Variants in PRP4K observed in about 807,000 individuals in gnomAD.
PRP4K encodes the protein pre-mRNA processing factor kinase PRP4K, also known as serine/threonine-protein kinase PRP4 homolog.
chr6:4,038,730 G>T, the PRP4K span, among the ~76,000 whole-genome samples: 3 of 151,994 alleles, frequency 2.0e-5, no homozygotes, highest in South Asian at 6.2e-4. Flanking sequence ...TTCTGACACT[G>T]CTAGTCTTCT....
At chr6:4,024,065 C>T in the PRP4K span, among the ~76,000 whole-genome samples, 1 of 152,110 alleles carries the variant, frequency 6.6e-6, no homozygotes. Flanking sequence ...TGGGGTTTCA[C>T]CTTGTTGGCC....
chr6:4,036,985 C>A, the PRP4K span, among the ~76,000 whole-genome samples: 72 of 113,876 alleles, frequency 6.3e-4, no homozygotes, highest in South Asian at 2.4e-3. Flanking sequence ...GACCCTGTCT[C>A]AAAAAAAAAA....
the PRP4K span, among the ~76,000 whole-genome samples, chr6:4,033,358 A>G: frequency 1.3e-5 from 2 of 152,278 alleles, no homozygotes; most frequent in Non-Finnish European, 2.9e-5. Flanking sequence ...ATTATTTTGT[A>G]CTATTTGAAT....
chr6:4,051,263 G>C, the PRP4K span, among the ~76,000 whole-genome samples: 2,769 of 152,090 alleles, frequency 0.018, 37 homozygotes, highest in Non-Finnish European at 0.031. Context: ...GTTCCATTTT[G>C]TTAAAAATAA....
the PRP4K span, chr6:4,063,007 T>C: frequency 2.0e-5 from 3 of 152,624 alleles, no homozygotes; most frequent in East Asian, 1.9e-4. Flanking sequence ...GTTCATCTTA[T>C]ACCTTCAAAA....
At chr6:4,050,431 T>C in the PRP4K span, 7 of 427,362 alleles carry the variant, frequency 1.6e-5, no homozygotes, top group Middle Eastern at 6.4e-4. Flanking sequence ...GTACCTACTG[T>C]ATGCACCAAT....
chr6:4,055,167 T>C, the PRP4K span, among the ~76,000 whole-genome samples: 2 of 152,136 alleles, frequency 1.3e-5, no homozygotes, highest in African/African-American at 4.8e-5. Context: ...TGCATATGAG[T>C]ATGGATACCC....
chr6:4,052,248 A>G, the PRP4K span, among the ~76,000 whole-genome samples: 3 of 147,770 alleles, frequency 2.0e-5, no homozygotes, highest in Non-Finnish European at 4.5e-5. Flanking sequence ...GTTAACAGCT[A>G]GTCTTTGTTG....
the PRP4K span, among the ~76,000 whole-genome samples, chr6:4,035,304 T>TTTTTTTTTTTTTG: frequency 7.3e-6 from 1 of 136,818 alleles, no homozygotes; most frequent in African/African-American, 2.8e-5. Context: ...TTTTTTTTTT[T>TTTTTTTTTTTTTG]TTTTTTTTTT....
chr6:4,043,786 G>GTATTA, the PRP4K span: 5 of 1,600,434 alleles, frequency 3.1e-6, no homozygotes, highest in Non-Finnish European at 4.3e-6. Flanking sequence ...TTTTATGAAA[G>GTATTA]TATTATCTTC....
the PRP4K span, among the ~76,000 whole-genome samples, chr6:4,023,477 G>A: frequency 6.6e-6 from 1 of 152,152 alleles, no homozygotes; most frequent in Non-Finnish European, 1.5e-5. Flanking sequence ...GCTAACTATT[G>A]TACTGTCTGG....
At chr6:4,032,734 G>A in the PRP4K span, 6 of 1,574,024 alleles carry the variant, frequency 3.8e-6, no homozygotes, top group Non-Finnish European at 5.1e-6. Flanking sequence ...GAACCAGAGA[G>A]GAGACGACTT....
chr6:4,053,827 A>G, the PRP4K span, among the ~76,000 whole-genome samples: 1 of 152,218 alleles, frequency 6.6e-6, no homozygotes, highest in Non-Finnish European at 1.5e-5. Context: ...ACTAAAAGCT[A>G]AGCGTGTAAG....
chr6:4,044,097 T>C, the PRP4K span: 1 of 1,431,376 alleles, frequency 7.0e-7, no homozygotes, highest in Non-Finnish European at 9.7e-7. Flanking sequence ...GAGACGTTAT[T>C]TGGGGTGGGA....
At chr6:4,051,310 T>C in the PRP4K span, among the ~76,000 whole-genome samples, 3 of 152,032 alleles carry the variant, frequency 2.0e-5, no homozygotes, top group Non-Finnish European at 4.4e-5. Context: ...TTTTTGTTTG[T>C]TTTTGTTTGT....
the PRP4K span, among the ~76,000 whole-genome samples, chr6:4,033,019 C>A: frequency 6.6e-6 from 1 of 152,142 alleles, no homozygotes; most frequent in Admixed American, 6.5e-5. Flanking sequence ...TGATTTAATA[C>A]CTAGTTTGCT....
chr6:4,031,861 T>G, the PRP4K span: 1 of 1,614,076 alleles, frequency 6.2e-7, no homozygotes, highest in African/African-American at 1.3e-5. Flanking sequence ...CAGAGAGCCT[T>G]GATTAAGGCC....
the PRP4K span, among the ~76,000 whole-genome samples, chr6:4,023,829 C>T: frequency 2.0e-5 from 3 of 151,798 alleles, no homozygotes; most frequent in East Asian, 1.9e-4. Flanking sequence ...CTCCAGCCTC[C>T]GGAGTAGCTG....
the PRP4K span, among the ~76,000 whole-genome samples, chr6:4,037,046 A>G: frequency 6.6e-6 from 1 of 151,800 alleles, no homozygotes; most frequent in Non-Finnish European, 1.5e-5. Context: ...TAGAAAGAAA[A>G]AGTCGTCAAT....
Sources: gnomAD v4.1 joint callset for allele counts (sites outside exome capture counted in the v4.1 genomes callset) on GRCh38, gnomAD v4.1.1 for gene constraint, MANE v1.5 for transcripts, NCBI Gene and HGNC (gene_info 2026-07-23, HGNC 2026-07-21) for gene names.